Variants in PDZD2 observed in about 807,000 individuals in gnomAD.
The protein encoded by PDZD2 is PDZ domain-containing protein 2.
A neutral mutation model predicts 220.7 loss-of-function variants in PDZD2; 90 were observed. The observed-to-expected ratio is 0.41, with a 90% confidence interval of 0.34 to 0.49. PDZD2 has a LOEUF of 0.49. Ranked by LOEUF, PDZD2 falls within the 20% of genes least tolerant of loss-of-function variation. The pLI is 0.28. For synonymous variants in PDZD2, 1,375 were observed against 1,450.5 expected, an observed-to-expected ratio of 0.95 and a Z score of 1.18; for missense variants, 3,174 against 3,608.5, an observed-to-expected ratio of 0.88 and a Z score of 3.08.
intron 3 of PDZD2, among the ~76,000 whole-genome samples, chr5:31,989,416 C>CTTTTTTTTTTTTTTTTTTTTTTTTTTTTA (rs1385913596): frequency 1.7e-5 from 2 of 120,672 alleles, no homozygotes; most frequent in African/African-American, 7.1e-5. Flanking sequence ...ACCACATTTT[C>CTTTTTTTTTTTTTTTTTTTTTTTTTTTTA]TTTTCTTTTT....
At position 31,799,512 on chromosome 5, in the gene PDZD2, G is replaced by T. The variant is rs940624745; in HGVS notation, c.264G>T (p.Gly88=). 6.2e-7 allele frequency: 1 copy of T among 1,614,056 alleles called. No homozygotes were observed. Among genetic ancestry groups the T allele is most frequent in the African/African-American group, 1.3e-5 (1 of 74,934 alleles). Residue 88 remains glycine (G), a synonymous_variant, in exon 2 of 25, where the codon GGG becomes GGT. Transcript: ENST00000438447. ...CAGAGACTGTGGGCCTGAGTTTTGG[G>T]AACATCCCTGTTTTCGGGGACTATG... The part of the protein sequence containing the change: ...GDTETVGLSF[G]NIPVFGDYGE...
chr5:32,087,886 ACCT>A lies in PDZD2; in HGVS notation c.4444_4446del (p.Ser1482del), dbSNP rs1420583538. 7 of 1,612,234 alleles carry A rather than the reference ACCT, an allele frequency of 4.3e-6. No individual in the cohort carries two copies. The highest frequency in any genetic ancestry group is 5.1e-6 in the Non-Finnish European group (6 of 1,179,422). The stretch of plus-strand genomic sequence containing the variant: ...TGCCGAACCAGTCCCGGGGGGCCAG[ACCT>A]CCTCCCCGAGGAGGGCCTGGGCTGC... On this transcript the variant is annotated inframe_deletion, in exon 20 of 25. Transcript: ENST00000438447. The surrounding 1 kb of genome is among the most constrained non-coding windows in gnomAD (Gnocchi z 4.0).
At chr5:31,785,410 A>G (rs1753321364) in intron 1 of PDZD2, among the ~76,000 whole-genome samples, 2 of 147,938 alleles carry the variant, frequency 1.4e-5, no homozygotes. Context: ...TTTCCCATAT[A>G]TATGTCATAT....
chr5:31,669,085 C>T (rs982127587), intron 1 of PDZD2, among the ~76,000 whole-genome samples: 1 of 151,354 alleles, frequency 6.6e-6, no homozygotes, highest in African/African-American at 2.4e-5. Flanking sequence ...TGCTAAACAT[C>T]TAACAGTGCA....
At chr5:31,920,182 G>C (rs574332474) in intron 2 of PDZD2, among the ~76,000 whole-genome samples, 1 of 152,078 alleles carries the variant, frequency 6.6e-6, no homozygotes, top group Admixed American at 6.5e-5. Context: ...TACTCGGGGG[G>C]CTAAGGTGGG....
chr5:32,078,501 G>C (rs539854779), intron 19 of PDZD2, among the ~76,000 whole-genome samples: 3 of 151,998 alleles, frequency 2.0e-5, no homozygotes, highest in Non-Finnish European at 4.4e-5. Flanking sequence ...GCATGGTGGA[G>C]CACGCTTATA....
At chr5:31,981,804 G>T (rs963656998) in intron 2 of PDZD2, among the ~76,000 whole-genome samples, 2 of 152,174 alleles carry the variant, frequency 1.3e-5, no homozygotes, top group African/African-American at 2.4e-5. Context: ...TAGCATGAGT[G>T]GAGGGTCCAG....
intron 2 of PDZD2, among the ~76,000 whole-genome samples, chr5:31,942,163 G>A (rs945988120): frequency 4.6e-5 from 7 of 152,316 alleles, no homozygotes; most frequent in African/African-American, 1.7e-4. Context: ...TCTGAAATCT[G>A]TGAGGTTTCC....
intron 2 of PDZD2, among the ~76,000 whole-genome samples, chr5:31,849,841 C>CTCTG (rs2150294385): frequency 7.3e-6 from 1 of 136,434 alleles, no homozygotes; most frequent in Admixed American, 7.9e-5. Flanking sequence ...GAGACTCCAT[C>CTCTG]TCTCTCTCTC....
intron 11 of PDZD2, 69 bp from the exon 12 acceptor site, chr5:32,057,809 T>A: frequency 7.0e-7 from 1 of 1,436,334 alleles, no homozygotes; most frequent in Non-Finnish European, 9.7e-7. Flanking sequence ...GAGTTGTTTT[T>A]TTTTTTTAAC....
At position 31,729,944 on chromosome 5, in the gene PDZD2, C is replaced by T. The variant is rs543190116; in HGVS notation, c.-360-68945C>T. 1.1e-4 allele frequency among the ~76,000 whole-genome samples: 16 copies of T among 152,268 alleles called. No individual in the cohort carries two copies. In the South Asian group the frequency reaches 2.1e-3, roughly 20 times the overall value. Reference sequence around the variant, plus strand: ...CTGGGTTCAAGCAATTCTCCTGTCTCGGCCTTCTGAGTAGCTGGGATTACA... The same window carrying T: ...CTGGGTTCAAGCAATTCTCCTGTCTTGGCCTTCTGAGTAGCTGGGATTACA... On this transcript the variant is annotated intron_variant, in intron 1 of 24. Coordinates refer to ENST00000438447, the MANE Select transcript of PDZD2 (RefSeq NM_178140.4).
intron 20 of PDZD2, among the ~76,000 whole-genome samples, chr5:32,091,451 A>G (rs957554269): frequency 6.6e-6 from 1 of 151,422 alleles, no homozygotes; most frequent in Non-Finnish European, 1.5e-5. Flanking sequence ...CACCTGGCTA[A>G]TTTTTGTATT....
chr5:31,963,648 G>A (rs1046497505), intron 2 of PDZD2, among the ~76,000 whole-genome samples: 2 of 152,214 alleles, frequency 1.3e-5, no homozygotes, highest in African/African-American at 2.4e-5. Context: ...GATCATCCTC[G>A]GAGTTCAGGT....
intron 2 of PDZD2, among the ~76,000 whole-genome samples, chr5:31,968,156 G>T (rs185610172): frequency 1.3e-5 from 2 of 152,150 alleles, no homozygotes; most frequent in African/African-American, 4.8e-5. Flanking sequence ...ACTTCAGTTC[G>T]TGACCAGCCT....
intron 1 of PDZD2, among the ~76,000 whole-genome samples, chr5:31,659,969 A>G (rs549552122): frequency 1.3e-5 from 2 of 152,352 alleles, no homozygotes; most frequent in African/African-American, 4.8e-5. Context: ...CTAATAGATT[A>G]TTAGCCCTAT....
At chr5:32,100,472 A>G (rs1038335625) in intron 23 of PDZD2, 3 of 249,958 alleles carry the variant, frequency 1.2e-5, no homozygotes, top group African/African-American at 6.8e-5. Flanking sequence ...CACCATGGAA[A>G]CACATTTCCT....
rs1309596125 is a variant in PDZD2, at chr5:31,849,960, ATACACATAT to A, written c.476+50237_476+50245del. Reference sequence around the variant, plus strand: ...CATATATATATATACATATATATATATACACATATATATATATACATATATATATATACA... The same window carrying A: ...CATATATATATATACATATATATATAATATATATACATATATATATATACA... On this transcript the variant is annotated intron_variant, in intron 2 of 24. Transcript: ENST00000438447. 7.1e-4 allele frequency among the ~76,000 whole-genome samples: 15 copies of A among 21,134 alleles called. 5 individuals are homozygous for A. Among genetic ancestry groups the A allele is most frequent in the African/African-American group, 4.4e-3 (13 of 2,964 alleles). The allele number at this position is 21,134 out of a possible 152,430, so 13.9% of individuals were successfully genotyped here.
intron 2 of PDZD2, among the ~76,000 whole-genome samples, chr5:31,979,264 C>T (rs1326568881): frequency 6.6e-6 from 1 of 152,144 alleles, no homozygotes; most frequent in East Asian, 1.9e-4. Context: ...CCTAAGACAA[C>T]TTGGAGATAA....
intron 1 of PDZD2, among the ~76,000 whole-genome samples, chr5:31,685,857 TA>T (rs1746835365): frequency 6.6e-6 from 1 of 151,738 alleles, no homozygotes; most frequent in Admixed American, 6.6e-5. Context: ...CATCGTCATT[TA>T]TCTGTCAGTG....
Sources: allele counts gnomAD v4.1 joint callset (sites outside exome capture counted in the v4.1 genomes callset), GRCh38; gene constraint gnomAD v4.1.1; non-coding constraint Gnocchi (gnomAD v3.1); transcripts MANE v1.5; gene names NCBI Gene and HGNC (gene_info 2026-07-23, HGNC 2026-07-21).